Variants in EPC1 observed in about 807,000 individuals in gnomAD.
EPC1 encodes the protein enhancer of polycomb homolog 1.
In EPC1, 12 loss-of-function variants were observed where a neutral mutation model predicts 98.4. The ratio of observed to expected loss-of-function variants is 0.12; its 90% CI spans 0.08 to 0.20. EPC1 has a LOEUF of 0.20. Among genes scored for constraint, EPC1 ranks in the 10% least tolerant of loss-of-function variants. The pLI, the probability that EPC1 is intolerant of heterozygous loss-of-function variation, is 1.00. For missense variants in EPC1, 729 were observed against 990.5 expected, an observed-to-expected ratio of 0.74 and a Z score of 3.54; for synonymous variants, 357 against 363.9, an observed-to-expected ratio of 0.98 and a Z score of 0.21.
chr10:32,295,186 A>G (rs899689763), intron 2 of EPC1, among the ~76,000 whole-genome samples: 5 of 152,108 alleles, frequency 3.3e-5, no homozygotes, highest in African/African-American at 1.2e-4. Flanking sequence ...TTACTTCTGT[A>G]CCGCTAAGTG....
At chr10:32,376,393 T>C (rs1028562215) in intron 1 of EPC1, among the ~76,000 whole-genome samples, 2 of 152,198 alleles carry the variant, frequency 1.3e-5, no homozygotes, top group East Asian at 1.9e-4. Context: ...TTTTATTTGG[T>C]AGATCAACTT....
chr10:32,343,551 A>G lies in EPC1; in HGVS notation c.153+3212T>C, dbSNP rs116381998. On this transcript the variant is annotated intron_variant, in intron 1 of 13. Transcript: ENST00000319778. Reference sequence around the variant, plus strand: ...GACTTAGCAAATTTCGATGCATTACATTCTGCGAATTCACATTTAATCTCT... The same window carrying G: ...GACTTAGCAAATTTCGATGCATTACGTTCTGCGAATTCACATTTAATCTCT... Among the ~76,000 whole-genome samples, 436 of 152,334 alleles carry G rather than the reference A, an allele frequency of 2.9e-3. 1 individual carries two copies. The highest frequency in any genetic ancestry group is 0.01 in the African/African-American group (416 of 41,576).
intron 1 of EPC1, among the ~76,000 whole-genome samples, chr10:32,322,162 C>T (rs1279113128): frequency 1.3e-5 from 2 of 150,754 alleles, no homozygotes; most frequent in East Asian, 1.9e-4. Context: ...TTCTTAATCA[C>T]GCATTAGCCT....
chr10:32,305,363 A>G (rs1835815140), intron 2 of EPC1, among the ~76,000 whole-genome samples: 1 of 152,244 alleles, frequency 6.6e-6, no homozygotes, highest in African/African-American at 2.4e-5. Context: ...TTGTGACAGA[A>G]TGACCCACAG....
chr10:32,296,736 A>C (rs533620299), intron 2 of EPC1, among the ~76,000 whole-genome samples: 12 of 152,220 alleles, frequency 7.9e-5, no homozygotes, highest in Admixed American at 3.9e-4. Context: ...GTGAAACCCT[A>C]TCTCTACTAA....
At chr10:32,269,706 G>T (rs1210442012) in intron 13 of EPC1, among the ~76,000 whole-genome samples, 3 of 152,224 alleles carry the variant, frequency 2.0e-5, no homozygotes, top group African/African-American at 4.8e-5. Flanking sequence ...CAATTCTAGA[G>T]CAGTAAAATC....
At chr10:32,354,327 G>A (rs1472925438) in intron 1 of EPC1, among the ~76,000 whole-genome samples, 3 of 152,016 alleles carry the variant, frequency 2.0e-5, no homozygotes, top group African/African-American at 4.8e-5. Context: ...GGTGGTGGGC[G>A]CCTGTAATCC....
chr10:32,370,951 T>C (rs1356464614), intron 1 of EPC1, among the ~76,000 whole-genome samples: 2 of 152,202 alleles, frequency 1.3e-5, no homozygotes, highest in Non-Finnish European at 2.9e-5. Flanking sequence ...TCATTGCTTA[T>C]GCCTCTTCAG....
At chr10:32,339,804 G>A (rs79137564) in intron 1 of EPC1, among the ~76,000 whole-genome samples, 1,739 of 152,206 alleles carry the variant, frequency 0.011, 12 homozygotes, top group Non-Finnish European at 0.015. Flanking sequence ...ATTTTGTAAG[G>A]TAGCTCAGAA....
At chr10:32,279,325 G>C (rs1026336650) in intron 10 of EPC1, among the ~76,000 whole-genome samples, 2 of 151,322 alleles carry the variant, frequency 1.3e-5, no homozygotes, top group Admixed American at 1.3e-4. Context: ...TCCAGCCTGG[G>C]CGACAGAGTG....
intron 10 of EPC1, among the ~76,000 whole-genome samples, chr10:32,276,051 A>G (rs1836077046): frequency 6.6e-6 from 1 of 152,188 alleles, no homozygotes; most frequent in African/African-American, 2.4e-5. Context: ...CTTTTGGCAA[A>G]TAGTCTAGGA....
chr10:32,288,102 C>A (rs1836790121), intron 6 of EPC1, among the ~76,000 whole-genome samples: 1 of 152,112 alleles, frequency 6.6e-6, no homozygotes, highest in South Asian at 2.1e-4. Context: ...ATTCATGTTA[C>A]ATTTTATGTA....
chr10:32,325,443 C>T (rs1383797791), intron 1 of EPC1, among the ~76,000 whole-genome samples: 1 of 152,102 alleles, frequency 6.6e-6, no homozygotes, highest in Non-Finnish European at 1.5e-5. Context: ...AGAGAAAATT[C>T]CTAACAACTT....
At chr10:32,276,273 T>C (rs902389532) in intron 10 of EPC1, among the ~76,000 whole-genome samples, 1 of 152,188 alleles carries the variant, frequency 6.6e-6, no homozygotes, top group African/African-American at 2.4e-5. Context: ...CACTTTGTGA[T>C]GCCGAGGCAG....
At chr10:32,371,104 CAAAT>C (rs1839736388) in intron 1 of EPC1, among the ~76,000 whole-genome samples, 2 of 152,158 alleles carry the variant, frequency 1.3e-5, no homozygotes, top group African/African-American at 2.4e-5. Flanking sequence ...TGTTTCTTGA[CAAAT>C]GAATGAACAC....
rs1838883876 is a variant in EPC1, at chr10:32,347,030, G to C, written c.-115C>G. On this transcript the variant is annotated 5_prime_UTR_variant, in exon 1 of 14. Coordinates refer to ENST00000319778, the MANE Select transcript of EPC1 (RefSeq NM_001272004.3). ...ACCGCTGCCGGGGACTTGAGGGGCG[G>C]AGCGCAGAGCCCGCCGTCCGGGCAC... 1 of 1,490,186 alleles carries C rather than the reference G, an allele frequency of 6.7e-7. No individual in the cohort carries two copies. Among genetic ancestry groups the C allele is most frequent in the African/African-American group, 1.4e-5 (1 of 71,540 alleles). 92.3% of individuals were successfully genotyped at this position (1,490,186 alleles called of 1,614,324 possible).
At chr10:32,333,344 A>C (rs1564551980) in intron 1 of EPC1, among the ~76,000 whole-genome samples, 2 of 152,132 alleles carry the variant, frequency 1.3e-5, no homozygotes, top group Non-Finnish European at 2.9e-5. Context: ...AAACAAACAA[A>C]CAACAACAAA....
At chr10:32,371,037 G>C (rs1357919788) in intron 1 of EPC1, among the ~76,000 whole-genome samples, 2 of 152,134 alleles carry the variant, frequency 1.3e-5, no homozygotes, top group African/African-American at 2.4e-5. Flanking sequence ...TGGCTTCTGA[G>C]GATAGAAAGG....
chr10:32,357,711 CA>C (rs1839318197), intron 1 of EPC1, among the ~76,000 whole-genome samples: 1 of 152,186 alleles, frequency 6.6e-6, no homozygotes. Flanking sequence ...CCTCCTGCCT[CA>C]GCCTTCTAAA....
Sources: gnomAD v4.1 joint callset for allele counts (sites outside exome capture counted in the v4.1 genomes callset) on GRCh38, gnomAD v4.1.1 for gene constraint, MANE v1.5 for transcripts, NCBI Gene and HGNC (gene_info 2026-07-23, HGNC 2026-07-21) for gene names.